The following DCLK1 variants were observed in gnomAD, a reference collection of about 807,000 sequenced individuals.
DCLK1 encodes the protein serine/threonine-protein kinase DCLK1.
A neutral mutation model predicts 86.2 loss-of-function variants in DCLK1; 16 were observed. The observed-to-expected ratio is 0.19, with a 90% CI of 0.13 to 0.28. The LOEUF (loss-of-function observed/expected upper bound fraction) is 0.28, where lower values mean the gene tolerates loss of function less well. Among genes scored for constraint, DCLK1 ranks in the 10% least tolerant of loss-of-function variants. The probability of loss-of-function intolerance (pLI) is 1.00; values close to 1 mark genes in which losing one functional copy is unlikely to be tolerated. For missense variants in DCLK1, 590 were observed against 940.2 expected, an observed-to-expected ratio of 0.63 and a Z score of 4.87; for synonymous variants, 369 against 370.5, an observed-to-expected ratio of 1.00 and a Z score of 0.05.
chr13:35,904,908 C>T (rs1874596524), intron 4 of DCLK1, among the ~76,000 whole-genome samples: 1 of 152,202 alleles, frequency 6.6e-6, no homozygotes, highest in South Asian at 2.1e-4. Flanking sequence ...CCCATCTCTG[C>T]AACTCATTCT....
At chr13:35,903,874 G>C (rs1874528534) in intron 4 of DCLK1, among the ~76,000 whole-genome samples, 1 of 152,090 alleles carries the variant, frequency 6.6e-6, no homozygotes, top group African/African-American at 2.4e-5. Flanking sequence ...TAAGTTCATT[G>C]ATTGACCTAA....
chr13:35,786,044 C>T (rs1276987974), intron 16 of DCLK1, among the ~76,000 whole-genome samples: 1 of 152,142 alleles, frequency 6.6e-6, no homozygotes, highest in Non-Finnish European at 1.5e-5. Flanking sequence ...AAACAGAGCA[C>T]TTTATGTGCG....
At chr13:36,108,215 C>A (rs919658876) in intron 3 of DCLK1, among the ~76,000 whole-genome samples, 1 of 152,118 alleles carries the variant, frequency 6.6e-6, no homozygotes, top group African/African-American at 2.4e-5. Context: ...GTCGGGGCAA[C>A]CATTTGCTGA....
At chr13:36,004,845 T>G (rs1173772566) in intron 3 of DCLK1, among the ~76,000 whole-genome samples, 5 of 152,234 alleles carry the variant, frequency 3.3e-5, no homozygotes, top group Admixed American at 3.3e-4. Flanking sequence ...CCCAAAGTGC[T>G]GGGATTACAG....
At chr13:36,096,769 C>T (rs1350209988) in intron 3 of DCLK1, among the ~76,000 whole-genome samples, 6 of 152,068 alleles carry the variant, frequency 3.9e-5, no homozygotes, top group Non-Finnish European at 8.8e-5. Context: ...TGTAACAAAG[C>T]AAATGTCACC....
intron 3 of DCLK1, among the ~76,000 whole-genome samples, chr13:35,966,488 C>G (rs1475188639): frequency 7.9e-6 from 1 of 126,260 alleles, no homozygotes; most frequent in Non-Finnish European, 1.7e-5. Flanking sequence ...CTCCCTCTCC[C>G]TCTCCCCCTC....
intron 5 of DCLK1, among the ~76,000 whole-genome samples, chr13:35,856,160 AAAAGCT>A: frequency 6.6e-6 from 1 of 152,198 alleles, no homozygotes; most frequent in Admixed American, 6.5e-5. Flanking sequence ...TAGAAACCTA[AAAAGCT>A]ATGAATTTTT....
intron 2 of DCLK1, among the ~76,000 whole-genome samples, chr13:36,113,362 G>GT (rs1885677697): frequency 6.6e-6 from 1 of 152,130 alleles, no homozygotes; most frequent in African/African-American, 2.4e-5. Flanking sequence ...TCTCTAATGT[G>GT]TATACATACA....
intron 8 of DCLK1, among the ~76,000 whole-genome samples, 190 bp from the exon 9 acceptor site, chr13:35,828,497 G>C (rs769558939): frequency 6.6e-6 from 1 of 152,060 alleles, no homozygotes; most frequent in Non-Finnish European, 1.5e-5. Flanking sequence ...CCAAGTGTAA[G>C]GACAGTAAGT....
chr13:35,774,438 CTAGA>C lies in DCLK1; in HGVS notation c.*93_*96del. ...AGTTCTGCCATTCAAGCATTGAGCG[CTAGA>C]TAGATCAGATGAAACTGTTTTACAC... On this transcript the variant is annotated 3_prime_UTR_variant, in exon 17 of 17. Transcript: ENST00000360631. The C allele has an allele frequency of 7.0e-7, 1 of 1,418,788 alleles. No individual in the cohort carries two copies. The highest frequency in any genetic ancestry group is 1.3e-5 in the South Asian group (1 of 75,262). The allele number at this position is 1,418,788 out of a possible 1,614,324, so 87.9% of individuals were successfully genotyped here.
intron 4 of DCLK1, among the ~76,000 whole-genome samples, chr13:35,939,101 A>G (rs1437348862): frequency 6.6e-6 from 1 of 152,304 alleles, no homozygotes; most frequent in East Asian, 1.9e-4. Context: ...ATATTTATGC[A>G]TGAGCTAAAA....
intron 8 of DCLK1, among the ~76,000 whole-genome samples, chr13:35,834,521 A>G (rs972906867): frequency 3.9e-5 from 6 of 152,204 alleles, no homozygotes; most frequent in African/African-American, 1.2e-4. Context: ...GGAGACAACA[A>G]TACTGATATT....
rs545134963 is a variant in DCLK1, at chr13:35,907,257, G to T, written c.824-35917C>A. 1.6e-3 allele frequency among the ~76,000 whole-genome samples: 247 copies of T among 152,284 alleles called. 1 individual carries two copies. Among genetic ancestry groups the T allele is most frequent in the African/African-American group, 5.8e-3 (242 of 41,566 alleles). ...GGCTCACTGCTCACTTGACCTCTCG[G>T]ACTCAAGTGAGCCTCCCACCTCAGC... is the stretch of plus-strand genomic sequence containing the variant. On this transcript the variant is annotated intron_variant, in intron 4 of 16. Coordinates refer to ENST00000360631, the MANE Select transcript of DCLK1 (RefSeq NM_001330071.2).
chr13:35,860,433 T>G (rs1871315980), intron 5 of DCLK1, among the ~76,000 whole-genome samples: 1 of 151,926 alleles, frequency 6.6e-6, no homozygotes, highest in Admixed American at 6.6e-5. Flanking sequence ...ACCTCATAGG[T>G]GAGGTGGAGC....
chr13:35,852,591 A>C (rs973969529), intron 6 of DCLK1, among the ~76,000 whole-genome samples: 5 of 152,242 alleles, frequency 3.3e-5, no homozygotes, highest in Non-Finnish European at 7.3e-5. Context: ...ATCTATAAGA[A>C]AGCCATATCT....
intron 4 of DCLK1, 136 bp from the exon 5 acceptor site, chr13:35,871,476 G>A: frequency 2.7e-6 from 2 of 745,138 alleles, no homozygotes; most frequent in Non-Finnish European, 4.6e-6. Flanking sequence ...CTGGGTTCTT[G>A]TCTATGTCAA....
rs9531016 is a variant in DCLK1 at position 35,773,838 on chromosome 13, T to C, written c.*697A>G. On this transcript the variant is annotated 3_prime_UTR_variant, in exon 17 of 17. Transcript: ENST00000360631. ...CTGGGGCGTCATCAGTACATCTTCA[T>C]GTGGAGACAATTTGGGGGGCACCAT... 3,635 of 151,464 alleles carry C rather than the reference T, an allele frequency of 0.024. 43 individuals carry two copies. Among genetic ancestry groups the C allele is most frequent in the Middle Eastern group, 0.071 (21 of 294 alleles). 9.4% of individuals were successfully genotyped at this position (151,464 alleles called of 1,614,324 possible). A position where few individuals can be genotyped will look rare whatever the true frequency, so the allele number is the denominator to read the frequency against.
intron 4 of DCLK1, among the ~76,000 whole-genome samples, chr13:35,874,213 C>T (rs887943972): frequency 1.3e-5 from 2 of 152,156 alleles, no homozygotes; most frequent in East Asian, 3.8e-4. Context: ...ACATGTTTCT[C>T]TCTCTTATAT....
chr13:36,121,241 A>G, intron 2 of DCLK1, among the ~76,000 whole-genome samples: 1 of 152,234 alleles, frequency 6.6e-6, no homozygotes, highest in East Asian at 1.9e-4. Flanking sequence ...TATATTGTTA[A>G]GTACACAAAG....
Sources: allele counts gnomAD v4.1 joint callset (sites outside exome capture counted in the v4.1 genomes callset), GRCh38; gene constraint gnomAD v4.1.1; transcripts MANE v1.5; gene names NCBI Gene and HGNC (gene_info 2026-07-23, HGNC 2026-07-21).